Variants in TMEM117 observed in about 807,000 individuals in gnomAD.
TMEM117 encodes the protein transmembrane protein 117.
A neutral mutation model predicts 52.4 loss-of-function variants in TMEM117; 27 were observed. The ratio of observed to expected loss-of-function variants is 0.51; its 90% CI spans 0.38 to 0.71. The LOEUF (loss-of-function observed/expected upper bound fraction) is 0.71. Among genes scored for constraint, TMEM117 ranks in the 30% least tolerant of loss-of-function variants. TMEM117 has a pLI of 0.00. For synonymous variants in TMEM117, 215 were observed against 206.3 expected (o/e 1.04, Z -0.36); for missense variants, 556 against 630.5 (o/e 0.88, Z 1.26).
chr12:44,165,013 T>C (rs1413409068), intron 4 of TMEM117, among the ~76,000 whole-genome samples: 6 of 152,116 alleles, frequency 3.9e-5, no homozygotes, highest in Admixed American at 2.6e-4. Context: ...CACTAGAACT[T>C]ATTTCTTCTA....
At chr12:43,913,719 T>C (rs1459697567) in intron 2 of TMEM117, among the ~76,000 whole-genome samples, 1 of 151,776 alleles carries the variant, frequency 6.6e-6, no homozygotes, top group East Asian at 2.0e-4. Flanking sequence ...CAATACAAAC[T>C]GGATTTATGC....
At chr12:44,080,808 T>C (rs1273551417) in intron 3 of TMEM117, among the ~76,000 whole-genome samples, 1 of 152,228 alleles carries the variant, frequency 6.6e-6, no homozygotes, top group East Asian at 1.9e-4. Flanking sequence ...ATTTATGTAT[T>C]GTCTGATGTA....
At chr12:44,394,162 C>G (rs541139569), downstream of TMEM117, among the ~76,000 whole-genome samples, 1 of 152,246 alleles carries the variant, frequency 6.6e-6, no homozygotes, top group Non-Finnish European at 1.5e-5. Flanking sequence ...TTTTAAGAAT[C>G]CTTATCCAGG....
At chr12:44,123,458 G>A (rs975419485) in intron 3 of TMEM117, among the ~76,000 whole-genome samples, 8 of 151,956 alleles carry the variant, frequency 5.3e-5, no homozygotes, top group South Asian at 2.1e-4. Flanking sequence ...TTGCATTTTC[G>A]TCATGAAATC....
rs1264077634 is a variant in TMEM117, at chr12:44,308,444, G to T, written c.768+8705G>T. Reference sequence around the variant, plus strand: ...TGTGTAGTAGTTGCTACTTGTCATTGTCTCACTTGTACCCAGTAAAAAAAA... The same window carrying T: ...TGTGTAGTAGTTGCTACTTGTCATTTTCTCACTTGTACCCAGTAAAAAAAA... On this transcript the variant is annotated intron_variant, in intron 6 of 7. Coordinates refer to ENST00000266534, the MANE Select transcript of TMEM117 (RefSeq NM_032256.3). Among the ~76,000 whole-genome samples, 3 of 152,114 alleles carry T rather than the reference G, an allele frequency of 2.0e-5. No homozygotes were observed. The East Asian group carries it at 5.8e-4, about 30-fold the overall frequency.
chr12:44,375,872 G>T (rs552976499), intron 6 of TMEM117, among the ~76,000 whole-genome samples: 2 of 152,260 alleles, frequency 1.3e-5, no homozygotes, highest in Admixed American at 6.5e-5. Context: ...GAGGAGGTGA[G>T]ACACCTAAAA....
At chr12:44,257,345 G>T (rs1353141545) in intron 5 of TMEM117, among the ~76,000 whole-genome samples, 1 of 151,858 alleles carries the variant, frequency 6.6e-6, no homozygotes. Context: ...ATATATAGGT[G>T]TCCACTCCAT....
At chr12:43,888,617 G>A (rs1348218143) in intron 2 of TMEM117, among the ~76,000 whole-genome samples, 2 of 140,500 alleles carry the variant, frequency 1.4e-5, no homozygotes, top group African/African-American at 2.7e-5. Flanking sequence ...GCATGATCTC[G>A]GCTCACTGCA....
intron 3 of TMEM117, among the ~76,000 whole-genome samples, chr12:44,050,678 A>G (rs1193952899): frequency 6.6e-6 from 1 of 152,242 alleles, no homozygotes; most frequent in Non-Finnish European, 1.5e-5. Context: ...CTTGTTAGGT[A>G]CATGATCTTA....
intron 3 of TMEM117, among the ~76,000 whole-genome samples, chr12:44,045,162 T>C (rs1054798429): frequency 1.3e-5 from 2 of 152,160 alleles, no homozygotes; most frequent in Non-Finnish European, 2.9e-5. Context: ...AATGGGTCCA[T>C]GAACAAAGTG....
intron 3 of TMEM117, among the ~76,000 whole-genome samples, chr12:44,118,347 T>G (rs548758443): frequency 3.9e-5 from 6 of 152,078 alleles, no homozygotes; most frequent in Non-Finnish European, 7.4e-5. Flanking sequence ...ACGTTAACTG[T>G]GGTTTAGAAG....
intron 3 of TMEM117, among the ~76,000 whole-genome samples, chr12:44,100,305 G>T (rs920418912): frequency 6.6e-6 from 1 of 151,964 alleles, no homozygotes; most frequent in East Asian, 1.9e-4. Flanking sequence ...AAAGAATTGA[G>T]ATTTATTCTT....
intron 5 of TMEM117, among the ~76,000 whole-genome samples, chr12:44,246,646 C>T (rs991658180): frequency 6.6e-6 from 1 of 152,092 alleles, no homozygotes; most frequent in Admixed American, 6.6e-5. Context: ...ACTCAATTAG[C>T]GTCCAGGTCA....
intron 5 of TMEM117, among the ~76,000 whole-genome samples, chr12:44,271,006 T>C (rs2032782): frequency 0.26 from 39,461 of 152,004 alleles, 9,244 homozygotes; most frequent in African/African-American, 0.63. Flanking sequence ...CCCTGTTTCC[T>C]GGGTATGAAA....
chr12:44,251,967 C>G (rs191257656), intron 5 of TMEM117, among the ~76,000 whole-genome samples: 1 of 151,980 alleles, frequency 6.6e-6, no homozygotes, highest in East Asian at 1.9e-4. Context: ...TACTTACAGG[C>G]GAAAAAAGAA....
chr12:44,045,970 T>C (rs1228879310), intron 3 of TMEM117, among the ~76,000 whole-genome samples: 1 of 152,198 alleles, frequency 6.6e-6, no homozygotes, highest in Non-Finnish European at 1.5e-5. Context: ...GCCTTTGAGG[T>C]CAGAATTACA....
intron 2 of TMEM117, among the ~76,000 whole-genome samples, chr12:43,918,952 CT>C (rs1366351882): frequency 6.6e-6 from 1 of 152,122 alleles, no homozygotes; most frequent in African/African-American, 2.4e-5. Context: ...ATATACTCTG[CT>C]TTTTTGGTCT....
At chr12:44,363,903 A>G (rs1951756284) in intron 6 of TMEM117, among the ~76,000 whole-genome samples, 1 of 152,178 alleles carries the variant, frequency 6.6e-6, no homozygotes, top group Non-Finnish European at 1.5e-5. Context: ...AGCAGTCAAC[A>G]AATCATATAT....
intron 3 of TMEM117, among the ~76,000 whole-genome samples, chr12:44,119,648 A>C (rs1729502620): frequency 6.6e-6 from 1 of 152,112 alleles, no homozygotes; most frequent in Admixed American, 6.6e-5. Flanking sequence ...CGTCTTCCTG[A>C]CTACCTGACT....
Sources: allele counts gnomAD v4.1 joint callset (sites outside exome capture counted in the v4.1 genomes callset), GRCh38; gene constraint gnomAD v4.1.1; transcripts MANE v1.5; gene names NCBI Gene and HGNC (gene_info 2026-07-23, HGNC 2026-07-21).